Variants in TGFB2 observed in about 807,000 individuals in gnomAD.
TGFB2 encodes transforming growth factor beta-2 proprotein.
Under a neutral mutation model 42.7 loss-of-function variants are expected in TGFB2, and 13 were observed. The ratio of observed to expected loss-of-function variants is 0.30; its 90% CI spans 0.20 to 0.48. TGFB2 has a LOEUF of 0.48. TGFB2 is among the 20% of genes least tolerant of loss of function. The pLI, the probability that TGFB2 is intolerant of heterozygous loss-of-function variation, is 0.99. For synonymous variants in TGFB2, 193 were observed against 193.6 expected, an observed-to-expected ratio of 1.00 and a Z score of 0.03; for missense variants, 390 against 517.5, an observed-to-expected ratio of 0.75 and a Z score of 2.39.
intron 1 of TGFB2, among the ~76,000 whole-genome samples, chr1:218,364,830 G>T (rs1386841504): frequency 6.6e-6 from 1 of 152,128 alleles, no homozygotes; most frequent in Non-Finnish European, 1.5e-5. Context: ...AATAAAAAGA[G>T]TGAAAAGTTT....
chr1:218,397,446 C>G (rs1051367693), intron 1 of TGFB2, among the ~76,000 whole-genome samples: 3 of 151,872 alleles, frequency 2.0e-5, no homozygotes, highest in Non-Finnish European at 2.9e-5. Flanking sequence ...TGCCTGTAGT[C>G]CCAGCTACTC....
At chr1:218,436,442 A>G (rs1659974218) in intron 5 of TGFB2, among the ~76,000 whole-genome samples, 1 of 152,214 alleles carries the variant, frequency 6.6e-6, no homozygotes, top group Non-Finnish European at 1.5e-5. Flanking sequence ...CTCAGAACAA[A>G]TAAAAGCTTA....
chr1:218,376,588 C>T (rs144848098), intron 1 of TGFB2, among the ~76,000 whole-genome samples: 19 of 152,288 alleles, frequency 1.2e-4, no homozygotes, highest in African/African-American at 4.1e-4. Flanking sequence ...GTTTCCAGTT[C>T]CATAGCACCG....
At chr1:218,438,914 C>G (rs1445568534) in intron 6 of TGFB2, among the ~76,000 whole-genome samples, 1 of 151,964 alleles carries the variant, frequency 6.6e-6, no homozygotes, top group Admixed American at 6.6e-5. Context: ...CAAGACCAGC[C>G]TGGTCAAGAT....
At chr1:218,414,670 T>C (rs1179248270) in intron 2 of TGFB2, among the ~76,000 whole-genome samples, 2 of 152,146 alleles carry the variant, frequency 1.3e-5, no homozygotes, top group Admixed American at 1.3e-4. Context: ...CCCCAAAAAG[T>C]AGAATGAACA....
chr1:218,362,240 T>A (rs1657234830), intron 1 of TGFB2, among the ~76,000 whole-genome samples: 1 of 152,192 alleles, frequency 6.6e-6, no homozygotes, highest in Admixed American at 6.5e-5. Flanking sequence ...CAGGTCTGAA[T>A]AGTGGCAGTG....
intron 4 of TGFB2, among the ~76,000 whole-genome samples, chr1:218,435,743 G>A (rs1448825996): frequency 1.3e-5 from 2 of 152,198 alleles, no homozygotes; most frequent in East Asian, 1.9e-4. Context: ...CTTTGACACC[G>A]AACTGCCTTC....
In TGFB2 at chr1:218,443,972, T is replaced by A. The variant is rs942764068; in HGVS notation, c.*2610T>A. ...TATGTCTGTTTTTGTGGTGCTCTAG[T>A]GGTAAATAAATTATTTCGATGATAT... On this transcript the variant is annotated 3_prime_UTR_variant, in exon 7 of 7. Coordinates refer to ENST00000366930, the MANE Select transcript of TGFB2 (RefSeq NM_003238.6). 4 of 152,148 alleles carry A rather than the reference T, an allele frequency of 2.6e-5. No individual in the cohort carries two copies. Among genetic ancestry groups the A allele is most frequent in the African/African-American group, 9.7e-5 (4 of 41,424 alleles). The allele number at this position is 152,148 out of a possible 1,614,324, so 9.4% of individuals were successfully genotyped here. A position where few individuals can be genotyped will look rare whatever the true frequency, so the allele number is the denominator to read the frequency against.
chr1:218,431,305 A>T (rs1659799953), intron 2 of TGFB2, among the ~76,000 whole-genome samples: 1 of 152,224 alleles, frequency 6.6e-6, no homozygotes, highest in South Asian at 2.1e-4. Flanking sequence ...TTAAAAGAGA[A>T]AAAGCTTCAG....
chr1:218,379,352 C>T (rs991109028), intron 1 of TGFB2, among the ~76,000 whole-genome samples: 1 of 151,730 alleles, frequency 6.6e-6, no homozygotes, highest in Non-Finnish European at 1.5e-5. Context: ...GCCAGGATGG[C>T]CTCGATCTCC....
chr1:218,377,129 G>A (rs1000841784), intron 1 of TGFB2, among the ~76,000 whole-genome samples: 5 of 152,144 alleles, frequency 3.3e-5, no homozygotes, highest in African/African-American at 1.2e-4. Context: ...AGACTCCTGG[G>A]CTCAAGGGAT....
chr1:218,421,633 T>G (rs1463892152), intron 2 of TGFB2, among the ~76,000 whole-genome samples: 1 of 151,994 alleles, frequency 6.6e-6, no homozygotes, highest in Non-Finnish European at 1.5e-5. Flanking sequence ...GAAGTGGGAT[T>G]GTGTCCCTTC....
At chr1:218,430,191 G>A (rs756410689) in intron 2 of TGFB2, among the ~76,000 whole-genome samples, 5 of 152,002 alleles carry the variant, frequency 3.3e-5, no homozygotes, top group East Asian at 1.9e-4. Context: ...TGGGTGGCTC[G>A]AGACCAGCCT....
At chr1:218,408,350 G>A (rs531077653) in intron 2 of TGFB2, among the ~76,000 whole-genome samples, 5 of 152,256 alleles carry the variant, frequency 3.3e-5, no homozygotes, top group Admixed American at 6.5e-5. Context: ...CTGAAGCACC[G>A]GCTGCTCCAT....
In TGFB2 at chr1:218,436,097, A is replaced by G. The variant is rs764968568; in HGVS notation, c.882A>G (p.Gln294=). Residue 294 remains glutamine, a synonymous_variant, in exon 5 of 7, where the codon CAA becomes CAG. Coordinates refer to ENST00000366930, the MANE Select transcript of TGFB2 (RefSeq NM_003238.6). ...TGCCCTCCTACAGACTTGAGTCACA[A>G]CAGACCAACCGGCGGAAGAAGCGTG... ...MLLPSYRLES[Q]QTNRRKKRAL... 2.5e-6 allele frequency: 4 copies of G among 1,613,974 alleles called. No individual in the cohort carries two copies. Among genetic ancestry groups the G allele is most frequent in the South Asian group, 1.1e-5 (1 of 91,044 alleles).
At chr1:218,391,016 C>T (rs1365984450) in intron 1 of TGFB2, among the ~76,000 whole-genome samples, 6 of 152,112 alleles carry the variant, frequency 3.9e-5, no homozygotes, top group South Asian at 2.1e-4. Flanking sequence ...ACGTTTCTTC[C>T]GAGCAATGCT....
At chr1:218,432,558 T>C (rs186493385) in intron 2 of TGFB2, among the ~76,000 whole-genome samples, 4 of 152,318 alleles carry the variant, frequency 2.6e-5, no homozygotes, top group Admixed American at 2.0e-4. Context: ...AAACAAATCA[T>C]GTACACACAT....
At chr1:218,378,756 T>C (rs1571851378) in intron 1 of TGFB2, among the ~76,000 whole-genome samples, 1 of 131,722 alleles carries the variant, frequency 7.6e-6, no homozygotes, top group African/African-American at 2.9e-5. Flanking sequence ...ACAGGGGTGC[T>C]ACACCACACC....
In TGFB2 at chr1:218,425,724, A is replaced by G. The variant is rs529357318; in HGVS notation, c.511-8358A>G. On this transcript the variant is annotated intron_variant, in intron 2 of 6. Transcript: ENST00000366930. ...GAATCTCAACAATATGGATTGTCCA[A>G]AAGGGGGACGACCTTTCTCATTAAA... 2.0e-3 allele frequency among the ~76,000 whole-genome samples: 298 copies of G among 152,346 alleles called. 1 individual carries two copies. Among genetic ancestry groups the G allele is most frequent in the South Asian group, 0.012 (60 of 4,832 alleles).
Sources: allele counts gnomAD v4.1 joint callset (sites outside exome capture counted in the v4.1 genomes callset), GRCh38; gene constraint gnomAD v4.1.1; transcripts MANE v1.5; gene names NCBI Gene and HGNC (gene_info 2026-07-23, HGNC 2026-07-21).